The following OIP5 variants were observed in gnomAD, a reference collection of about 807,000 sequenced individuals.
OIP5 encodes Opa interacting protein 5, also known as protein Mis18-beta.
In OIP5, 24 loss-of-function variants were observed where a neutral mutation model predicts 20.3. The observed-to-expected ratio is 1.18, with a 90% CI of 0.86 to 1.66. The LOEUF (loss-of-function observed/expected upper bound fraction) is 1.66, where lower values mean the gene tolerates loss of function less well. Ranked by LOEUF, OIP5 falls within the 40% of genes most tolerant of loss-of-function variation. The pLI is 0.00. For synonymous variants in OIP5, 143 were observed against 121.3 expected (o/e 1.18, Z -1.17); for missense variants, 339 against 289.5 (o/e 1.17, Z -1.24).
chr15:41,322,890 G>A (rs1210074050), intron 2 of OIP5, among the ~76,000 whole-genome samples: 1 of 151,808 alleles, frequency 6.6e-6, no homozygotes, highest in Non-Finnish European at 1.5e-5. Flanking sequence ...AGCGGAGATT[G>A]TGCCACTGCA....
At chr15:41,331,074 C>T (rs1347189730) in intron 2 of OIP5, among the ~76,000 whole-genome samples, 1 of 152,170 alleles carries the variant, frequency 6.6e-6, no homozygotes, top group African/African-American at 2.4e-5. Flanking sequence ...CAGAAATCTT[C>T]CTGGTTACTG....
At chr15:41,324,782 G>A (rs553253244) in intron 2 of OIP5, among the ~76,000 whole-genome samples, 9 of 152,242 alleles carry the variant, frequency 5.9e-5, no homozygotes, top group African/African-American at 1.4e-4. Context: ...GAGCCACCGC[G>A]CCTAACCCCA....
intron 4 of OIP5, among the ~76,000 whole-genome samples, chr15:41,312,161 T>A (rs1433499345): frequency 1.4e-5 from 2 of 143,024 alleles, no homozygotes; most frequent in African/African-American, 5.1e-5. Context: ...GCCTTCTTTT[T>A]TTCTTTTTTT....
chr15:41,318,150 TTTTTATC>T (rs1220304912), intron 3 of OIP5, among the ~76,000 whole-genome samples: 3 of 152,268 alleles, frequency 2.0e-5, no homozygotes, highest in Admixed American at 6.5e-5. Context: ...TAGAATGTTC[TTTTTATC>T]TTTTATTTAT....
At chr15:41,325,401 G>T (rs752096981) in intron 2 of OIP5, among the ~76,000 whole-genome samples, 8 of 151,788 alleles carry the variant, frequency 5.3e-5, no homozygotes, top group African/African-American at 1.9e-4. Flanking sequence ...GCGAGCCTCC[G>T]TCTCAAAATA....
intron 4 of OIP5, among the ~76,000 whole-genome samples, chr15:41,311,009 A>G (rs948560381): frequency 4.6e-5 from 7 of 152,286 alleles, no homozygotes; most frequent in Admixed American, 3.9e-4. Context: ...CCCTCCCAGC[A>G]TAGGATTTCC....
At chr15:41,320,370 C>T (rs1278680934) in intron 2 of OIP5, among the ~76,000 whole-genome samples, 1 of 152,192 alleles carries the variant, frequency 6.6e-6, no homozygotes, top group Non-Finnish European at 1.5e-5. Context: ...CTCACTGCAA[C>T]CTCCCTGCCT....
At chr15:41,327,616 C>A (rs751749886) in intron 2 of OIP5, among the ~76,000 whole-genome samples, 2 of 151,680 alleles carry the variant, frequency 1.3e-5, no homozygotes, top group South Asian at 4.2e-4. Flanking sequence ...GGTGAAACCC[C>A]GTCTCTACTA....
intron 2 of OIP5, among the ~76,000 whole-genome samples, chr15:41,320,652 G>A (rs950633599): frequency 6.6e-6 from 1 of 152,108 alleles, no homozygotes; most frequent in Non-Finnish European, 1.5e-5. Context: ...CCTCCCAGCC[G>A]CCTGCCTTGG....
chr15:41,316,882 C>T (rs1178492989), intron 3 of OIP5, among the ~76,000 whole-genome samples: 1 of 151,118 alleles, frequency 6.6e-6, no homozygotes, highest in East Asian at 2.0e-4. Context: ...ATGCTCAAAT[C>T]TCAGCTCTTC....
At chr15:41,325,273 C>T (rs927236383) in intron 2 of OIP5, among the ~76,000 whole-genome samples, 2 of 151,910 alleles carry the variant, frequency 1.3e-5, no homozygotes, top group Non-Finnish European at 2.9e-5. Context: ...GGTGTGGTGG[C>T]GGGCCCCTGT....
rs2047744768 is a variant in OIP5, at chr15:41,309,985, C to T, written c.595-136G>A. ...TTCACTGCAGCCTCAAGCTCCTGCT[C>T]TCAAGTGATCCTCCCACTTCAGCCT... On this transcript the variant is annotated intron_variant, in intron 4 of 4. Coordinates refer to ENST00000220514, the MANE Select transcript of OIP5 (RefSeq NM_007280.2). The T allele has an allele frequency of 6.5e-5, 37 of 566,498 alleles. 2 individuals are homozygous for T. In the South Asian group the frequency reaches 7.9e-4, roughly 12 times the overall value. The allele number at this position is 566,498 out of a possible 1,614,324, so 35.1% of individuals were successfully genotyped here. A position where few individuals can be genotyped will look rare whatever the true frequency, so the allele number is the denominator to read the frequency against.
At chr15:41,332,065 C>G (rs1232416227) in intron 1 of OIP5, 84 bp from the exon 2 acceptor site, 3 of 1,433,832 alleles carry the variant, frequency 2.1e-6, no homozygotes, top group Non-Finnish European at 2.9e-6. Context: ...TCATCCTGGC[C>G]GTAAATATCA....
chr15:41,321,185 C>T (rs1375185159), intron 2 of OIP5, among the ~76,000 whole-genome samples: 1 of 151,388 alleles, frequency 6.6e-6, no homozygotes, highest in African/African-American at 2.4e-5. Context: ...CCAGCCGCCC[C>T]GTCCAGGAGG....
At chr15:41,317,861 G>C (rs2140461016) in intron 3 of OIP5, among the ~76,000 whole-genome samples, 1 of 152,194 alleles carries the variant, frequency 6.6e-6, no homozygotes, top group South Asian at 2.1e-4. Context: ...TAAATTTTTT[G>C]TAGAGACAGA....
At chr15:41,331,784 A>C in intron 2 of OIP5, 131 bp downstream of exon 2, 1 of 756,540 alleles carries the variant, frequency 1.3e-6, no homozygotes, top group Admixed American at 2.1e-5. Context: ...TCATTAATAC[A>C]TCAAGTTCAT....
rs778101632 is a variant in OIP5 at position 41,332,341 on chromosome 15, C to G, written c.221G>C (p.Arg74Thr). Residue 74 changes from arginine (R) to threonine (T), a missense_variant, in exon 1 of 5, where the codon AGG (arginine) becomes ACG (threonine). Coordinates refer to ENST00000220514, the MANE Select transcript of OIP5 (RefSeq NM_007280.2). The part of the protein sequence containing the change: ...PQLPSWLQPE[R>T]CAVFQCAQCH... Reference sequence around the variant, plus strand: ...CTGTGCGCACTGGAACACAGCGCACCTCTCAGGCTGCAGCCAAGACGGCAG... The same window carrying G: ...CTGTGCGCACTGGAACACAGCGCACGTCTCAGGCTGCAGCCAAGACGGCAG... The G allele has an allele frequency of 6.2e-7, 1 of 1,612,248 alleles. No individual in the cohort carries two copies. Among genetic ancestry groups the G allele is most frequent in the South Asian group, 1.1e-5 (1 of 90,898 alleles).
At position 41,317,340 on chromosome 15, in the gene OIP5, A is replaced by G. The variant is rs551699416; in HGVS notation, c.512+2318T>C. 3.3e-5 allele frequency among the ~76,000 whole-genome samples: 5 copies of G among 151,656 alleles called. No individual in the cohort carries two copies. The East Asian group carries it at 9.7e-4, about 29-fold the overall frequency. Reference sequence around the variant, plus strand: ...GGCCCTTGTTTCAAATTCCTAAGGTAGAAAACTGGTTGGCTTAGTTTGGGT... The same window carrying G: ...GGCCCTTGTTTCAAATTCCTAAGGTGGAAAACTGGTTGGCTTAGTTTGGGT... On this transcript the variant is annotated intron_variant, in intron 3 of 4. Transcript: ENST00000220514.
At chr15:41,312,440 C>T (rs184247150) in intron 4 of OIP5, among the ~76,000 whole-genome samples, 4 of 152,236 alleles carry the variant, frequency 2.6e-5, no homozygotes, top group East Asian at 1.9e-4. Context: ...GGATTACAGG[C>T]GTGAGCCACC....
Sources: allele counts gnomAD v4.1 joint callset (sites outside exome capture counted in the v4.1 genomes callset), GRCh38; gene constraint gnomAD v4.1.1; transcripts MANE v1.5; gene names NCBI Gene and HGNC (gene_info 2026-07-23, HGNC 2026-07-21).